ABL1: variants seen among roughly 807,000 people sequenced by gnomAD.
ABL1 encodes tyrosine-protein kinase ABL1.
Under a neutral mutation model 94.7 loss-of-function variants are expected in ABL1, and 11 were observed. That is an observed-to-expected ratio of 0.12 (90% CI 0.07 to 0.19). The LOEUF (loss-of-function observed/expected upper bound fraction) is 0.19, where lower values mean the gene tolerates loss of function less well. Among genes scored for constraint, ABL1 ranks in the 10% least tolerant of loss-of-function variants. ABL1 has a pLI of 1.00. For missense variants in ABL1, 1,082 were observed against 1,489.4 expected (o/e 0.73, Z 4.50); for synonymous variants, 656 against 622.4 (o/e 1.05, Z -0.80).
intron 1 of ABL1, chr9:130,724,909 C>A: frequency 2.5e-6 from 1 of 395,202 alleles, no homozygotes; most frequent in South Asian, 2.0e-5. Context: ...GCACACCAGT[C>A]ATACTTCCTC....
Position 130,773,751 on chromosome 9 carries a change from G to T in ABL1, c.136+59296G>T, listed in dbSNP as rs545449069. ...CTGTTTCAGCCTCCCAAAATGCTGG[G>T]ATTACAGACATGAGCCATTGTGCCC... On this transcript the variant is annotated intron_variant, in intron 1 of 10. Coordinates refer to the ABL1 transcript ENST00000372348. Among the ~76,000 whole-genome samples, 9 of 151,794 alleles carry T rather than the reference G, an allele frequency of 5.9e-5. No homozygotes were observed. The East Asian group carries it at 1.5e-3, about 26-fold the overall frequency.
Position 130,872,340 on chromosome 9 carries a change from G to T in ABL1, c.907+127G>T. 2 of 817,042 alleles carry T rather than the reference G, an allele frequency of 2.4e-6. No individual in the cohort carries two copies. Among genetic ancestry groups the T allele is most frequent in the South Asian group, 3.4e-5 (2 of 59,036 alleles). 50.6% of individuals were successfully genotyped at this position (817,042 alleles called of 1,614,324 possible). A position where few individuals can be genotyped will look rare whatever the true frequency, so the allele number is the denominator to read the frequency against. On this transcript the variant is annotated intron_variant, in intron 5 of 10. Transcript: ENST00000318560. This position sits in a 1 kb window ranked among gnomAD's most constrained non-coding sequence, Gnocchi z 5.0. ...GTTGGAATATTTGTGCTCTGCCGACGTTCAGCCGCGGGTAAAATGAGGCCT... is the reference window on the plus strand; with the variant it reads ...GTTGGAATATTTGTGCTCTGCCGACTTTCAGCCGCGGGTAAAATGAGGCCT...
At chr9:130,865,712 C>T (rs187203098) in intron 4 of ABL1, among the ~76,000 whole-genome samples, 1 of 144,800 alleles carries the variant, frequency 6.9e-6, no homozygotes, top group East Asian at 2.0e-4. Flanking sequence ...TGCCACTGCA[C>T]TCCTACCTGG....
intron 7 of ABL1, among the ~76,000 whole-genome samples, chr9:130,876,184 G>T (rs1051308282): frequency 4.0e-5 from 6 of 151,732 alleles, no homozygotes; most frequent in African/African-American, 1.5e-4. Context: ...GTAATTTTTG[G>T]CAGTTACTGA....
intron 1 of ABL1, among the ~76,000 whole-genome samples, chr9:130,783,028 T>G (rs940583164): frequency 2.0e-5 from 3 of 152,194 alleles, no homozygotes; most frequent in Non-Finnish European, 4.4e-5. Flanking sequence ...AACACTCTCT[T>G]ACACCATCAC....
rs17147227 is a variant in ABL1, at chr9:130,770,763, C to T, written c.136+56308C>T. Among the ~76,000 whole-genome samples, 1,300 of 152,200 alleles carry T rather than the reference C, an allele frequency of 8.5e-3. 17 individuals carry two copies. Among genetic ancestry groups the T allele is most frequent in the African/African-American group, 0.03 (1,234 of 41,514 alleles). Reference sequence around the variant, plus strand: ...ATAAAAATTTAAGTTTCCAAATAATCTGTATTTCACATAAAAGAGAAGAGA... The same window carrying T: ...ATAAAAATTTAAGTTTCCAAATAATTTGTATTTCACATAAAAGAGAAGAGA... On this transcript the variant is annotated intron_variant, in intron 1 of 10. Transcript: ENST00000372348.
intron 4 of ABL1, among the ~76,000 whole-genome samples, chr9:130,871,214 T>C (rs1831245929): frequency 6.6e-6 from 1 of 152,234 alleles, no homozygotes; most frequent in South Asian, 2.1e-4. Flanking sequence ...TGCTTCTTGT[T>C]CTGATAGTCA....
chr9:130,828,600 G>A (rs574191378), intron 1 of ABL1, among the ~76,000 whole-genome samples: 8 of 152,148 alleles, frequency 5.3e-5, no homozygotes, highest in Non-Finnish European at 1.0e-4. Context: ...AGAAACTCTC[G>A]GGAGGCTGAG....
intron 1 of ABL1, among the ~76,000 whole-genome samples, chr9:130,782,127 C>T (rs1222996479): frequency 2.0e-5 from 3 of 151,004 alleles, no homozygotes; most frequent in Non-Finnish European, 4.4e-5. Flanking sequence ...GGTGTGATCT[C>T]GGCTTACTGC....
chr9:130,869,209 A>C (rs770614679), intron 4 of ABL1, among the ~76,000 whole-genome samples: 2 of 152,084 alleles, frequency 1.3e-5, no homozygotes, highest in Non-Finnish European at 2.9e-5. Context: ...AGTCTGGGAG[A>C]ATGTATCTGT....
intron 1 of ABL1, among the ~76,000 whole-genome samples, chr9:130,844,602 A>G (rs1020638879): frequency 9.9e-5 from 15 of 152,052 alleles, no homozygotes; most frequent in East Asian, 1.9e-4. Context: ...GGAGTTCAAG[A>G]CCAGCCTGGC....
intron 1 of ABL1, among the ~76,000 whole-genome samples, chr9:130,745,183 C>T (rs546538708): frequency 6.6e-6 from 1 of 150,502 alleles, no homozygotes; most frequent in Non-Finnish European, 1.5e-5. Flanking sequence ...CTCCTGGGTT[C>T]AAGCGATTCT....
At chr9:130,777,516 C>A (rs1829683630) in intron 1 of ABL1, among the ~76,000 whole-genome samples, 1 of 147,314 alleles carries the variant, frequency 6.8e-6, no homozygotes, top group Admixed American at 6.7e-5. Context: ...AATCGAGGAA[C>A]CTCTCAGGGC....
At position 130,730,046 on chromosome 9, in the gene ABL1, C is replaced by CTTTTTTTTTTTT. The variant is rs138446676; in HGVS notation, c.136+15594_136+15605dup. ...GCGTGAGCCACTGCGCCCAGCCAGA[C>CTTTTTTTTTTTT]TTTTTTTTTTTTTTGAGATGGAATT... On this transcript the variant is annotated intron_variant, in intron 1 of 10. Transcript: ENST00000372348. Among the ~76,000 whole-genome samples the CTTTTTTTTTTTT allele has an allele frequency of 2.4e-3, 255 of 107,138 alleles. 22 individuals carry two copies. The highest frequency in any genetic ancestry group is 8.7e-3 in the African/African-American group (222 of 25,472). The allele number at this position is 107,138 out of a possible 152,430, so 70.3% of individuals were successfully genotyped here.
intron 4 of ABL1, among the ~76,000 whole-genome samples, chr9:130,869,271 C>T (rs956579781): frequency 2.0e-5 from 3 of 152,188 alleles, no homozygotes; most frequent in Non-Finnish European, 4.4e-5. Context: ...TTGTTTTCTA[C>T]AAGCTATCTG....
At chr9:130,830,132 AT>A (rs1465880366) in intron 1 of ABL1, among the ~76,000 whole-genome samples, 15 of 152,354 alleles carry the variant, frequency 9.8e-5, no homozygotes, top group African/African-American at 3.4e-4. Context: ...ATTTAAAAAA[AT>A]GAGCATACTA....
chr9:130,781,053 C>T (rs968548675), intron 1 of ABL1, among the ~76,000 whole-genome samples: 3 of 152,260 alleles, frequency 2.0e-5, no homozygotes, highest in South Asian at 2.1e-4. Context: ...ACCTCACTTG[C>T]GTCATTCTGA....
chr9:130,820,582 C>CAA (rs768456772), intron 1 of ABL1, among the ~76,000 whole-genome samples: 1 of 152,134 alleles, frequency 6.6e-6, no homozygotes, highest in Non-Finnish European at 1.5e-5. Context: ...GGAGAGGCGT[C>CAA]AGAGTTGGGT....
chr9:130,718,484 G>C (rs1831474571), intron 1 of ABL1, among the ~76,000 whole-genome samples: 1 of 152,064 alleles, frequency 6.6e-6, no homozygotes, highest in Non-Finnish European at 1.5e-5. Context: ...TTAAATTTCA[G>C]TATTCATTTC....
Sources: allele counts gnomAD v4.1 joint callset (sites outside exome capture counted in the v4.1 genomes callset), GRCh38; gene constraint gnomAD v4.1.1; non-coding constraint Gnocchi (gnomAD v3.1); transcripts MANE v1.5; gene names NCBI Gene and HGNC (gene_info 2026-07-23, HGNC 2026-07-21).